SLC4A10: variants seen among roughly 807,000 people sequenced by gnomAD.
The protein encoded by SLC4A10 is sodium-driven chloride bicarbonate exchanger.
A neutral mutation model predicts 137.7 loss-of-function variants in SLC4A10; 42 were observed. The observed-to-expected ratio is 0.30, with a 90% CI of 0.24 to 0.39. The LOEUF is 0.39. SLC4A10 is among the 10% of genes least tolerant of loss of function. The probability of loss-of-function intolerance (pLI) is 1.00; values close to 1 mark genes in which losing one functional copy is unlikely to be tolerated. For missense variants in SLC4A10, 925 were observed against 1,355.0 expected, an observed-to-expected ratio of 0.68 and a Z score of 4.98; for synonymous variants, 474 against 464.1, an observed-to-expected ratio of 1.02 and a Z score of -0.27.
chr2:161,741,920 T>C (rs2047935771), intron 1 of SLC4A10, among the ~76,000 whole-genome samples: 2 of 152,160 alleles, frequency 1.3e-5, no homozygotes, highest in Admixed American at 6.5e-5. Flanking sequence ...TTATTCATTG[T>C]ATCTAACTAC....
At chr2:161,667,025 GTATC>G (rs2039126756) in intron 1 of SLC4A10, among the ~76,000 whole-genome samples, 1 of 151,606 alleles carries the variant, frequency 6.6e-6, no homozygotes, top group African/African-American at 2.4e-5. Context: ...GTTGGAAAGA[GTATC>G]TATAATGAAA....
chr2:161,965,094 T>TC lies in SLC4A10; in HGVS notation c.3081dup (p.Thr1028HisfsTer10). 1 of 1,612,626 alleles carries TC rather than the reference T, an allele frequency of 6.2e-7. No homozygotes were observed. The highest frequency in any genetic ancestry group is 8.5e-7 in the Non-Finnish European group (1 of 1,179,114). On this transcript the variant is annotated frameshift_variant, in exon 23 of 27. Transcript: ENST00000446997. LOFTEE classifies it high-confidence loss of function. ...GTAAGAAAGTTGATGGACTTGTTGT[T>TC]CACGAAGCGGGAACTCAGCTGGTTG...
intron 8 of SLC4A10, among the ~76,000 whole-genome samples, chr2:161,875,005 T>C (rs1034188450): frequency 1.5e-4 from 23 of 152,302 alleles, no homozygotes; most frequent in African/African-American, 5.5e-4. Flanking sequence ...CAGACCATAA[T>C]TGAATGTTTT....
At chr2:161,811,302 CA>C (rs1348528663) in intron 3 of SLC4A10, among the ~76,000 whole-genome samples, 1 of 151,826 alleles carries the variant, frequency 6.6e-6, no homozygotes, top group African/African-American at 2.4e-5. Flanking sequence ...TTTATTCTTT[CA>C]AAAAACAAAC....
At chr2:161,749,043 T>C (rs1290461854) in intron 1 of SLC4A10, among the ~76,000 whole-genome samples, 1 of 152,062 alleles carries the variant, frequency 6.6e-6, no homozygotes, top group East Asian at 1.9e-4. Context: ...GATGCTATTG[T>C]AAATGAGGTT....
chr2:161,874,153 T>A (rs771364550), intron 8 of SLC4A10, 148 bp downstream of exon 8: 11 of 809,174 alleles, frequency 1.4e-5, no homozygotes, highest in Non-Finnish European at 2.1e-5. Context: ...TCTTCATTCA[T>A]CTGCAAGTTG....
At chr2:161,649,360 C>T (rs4664047) in intron 1 of SLC4A10, among the ~76,000 whole-genome samples, 8 of 151,944 alleles carry the variant, frequency 5.3e-5, no homozygotes, top group Non-Finnish European at 7.4e-5. Context: ...GACCTTGTCT[C>T]GAAAAAAATT....
At chr2:161,802,483 AG>A (rs2125591275) in intron 2 of SLC4A10, among the ~76,000 whole-genome samples, 1 of 152,252 alleles carries the variant, frequency 6.6e-6, no homozygotes, top group East Asian at 1.9e-4. Flanking sequence ...TCCCTTTCAA[AG>A]AAACACTATC....
intron 1 of SLC4A10, among the ~76,000 whole-genome samples, chr2:161,658,711 C>G (rs1012164247): frequency 1.3e-5 from 2 of 151,276 alleles, no homozygotes; most frequent in African/African-American, 4.9e-5. Flanking sequence ...CTCCCTCGGC[C>G]TCCCAGGTAA....
At chr2:161,697,738 A>G (rs4664435) in intron 1 of SLC4A10, among the ~76,000 whole-genome samples, 139,183 of 151,804 alleles carry the variant, frequency 0.92, 63,885 homozygotes, top group East Asian at 1. Flanking sequence ...GTCAGGTAGC[A>G]TGATGCCTCC....
intron 1 of SLC4A10, among the ~76,000 whole-genome samples, chr2:161,764,872 A>G (rs1310363669): frequency 6.6e-6 from 1 of 152,130 alleles, no homozygotes; most frequent in African/African-American, 2.4e-5. Context: ...TTCCGTTCCT[A>G]AACTTAGCAC....
chr2:161,901,676 C>G (rs568317037), intron 12 of SLC4A10, among the ~76,000 whole-genome samples: 1 of 152,042 alleles, frequency 6.6e-6, no homozygotes, highest in Admixed American at 6.6e-5. Flanking sequence ...CTCCCCTCCC[C>G]TCAAGGCCAT....
At chr2:161,662,790 C>T (rs772272400) in intron 1 of SLC4A10, among the ~76,000 whole-genome samples, 6 of 152,158 alleles carry the variant, frequency 3.9e-5, no homozygotes, top group Non-Finnish European at 8.8e-5. Flanking sequence ...GTAACAGTTA[C>T]CTATTGCTCT....
At chr2:161,639,913 A>G (rs900848308) in intron 1 of SLC4A10, among the ~76,000 whole-genome samples, 4 of 152,212 alleles carry the variant, frequency 2.6e-5, no homozygotes, top group African/African-American at 9.6e-5. Context: ...CTAGAACATA[A>G]GTGCAGTAAA....
intron 2 of SLC4A10, among the ~76,000 whole-genome samples, chr2:161,801,064 T>G (rs563310290): frequency 6.6e-6 from 1 of 152,144 alleles, no homozygotes; most frequent in African/African-American, 2.4e-5. Flanking sequence ...TTTCAGCAGT[T>G]GGGAGAGAAC....
intron 1 of SLC4A10, among the ~76,000 whole-genome samples, chr2:161,652,859 C>T (rs202105942): frequency 6.6e-6 from 1 of 150,902 alleles, no homozygotes; most frequent in African/African-American, 2.4e-5. Flanking sequence ...ACATTCTTTT[C>T]TTTTAAGTAT....
chr2:161,708,894 C>T (rs1232201826), intron 1 of SLC4A10: 3 of 1,456,374 alleles, frequency 2.1e-6, no homozygotes, highest in South Asian at 2.7e-5. Context: ...CTAGTTCTTA[C>T]TCATTGAAAA....
intron 23 of SLC4A10, among the ~76,000 whole-genome samples, chr2:161,968,728 T>C (rs1698015632): frequency 6.6e-6 from 1 of 152,216 alleles, no homozygotes. Flanking sequence ...AGACAGCTAA[T>C]TCTCCATCGA....
chr2:161,834,061 G>T (rs898123677), intron 3 of SLC4A10, among the ~76,000 whole-genome samples: 1 of 152,220 alleles, frequency 6.6e-6, no homozygotes, highest in East Asian at 1.9e-4. Context: ...GGCATAATGC[G>T]TTATTCTTTC....
Sources: gnomAD v4.1 joint callset for allele counts (sites outside exome capture counted in the v4.1 genomes callset) on GRCh38, gnomAD v4.1.1 for gene constraint, MANE v1.5 for transcripts, NCBI Gene and HGNC (gene_info 2026-07-23, HGNC 2026-07-21) for gene names.